The following GLRA3 variants were observed in gnomAD, a reference collection of about 807,000 sequenced individuals.
GLRA3 encodes the protein glycine receptor alpha 3.
In GLRA3, 44 loss-of-function variants were observed where a neutral mutation model predicts 60.4. The observed-to-expected ratio is 0.73, with a 90% CI of 0.57 to 0.94. GLRA3 has a LOEUF of 0.94. Ranked by LOEUF, GLRA3 falls within the 40% of genes least tolerant of loss-of-function variation. The pLI is 0.00. For missense variants in GLRA3, 508 were observed against 564.6 expected, an observed-to-expected ratio of 0.90 and a Z score of 1.02; for synonymous variants, 223 against 192.9, an observed-to-expected ratio of 1.16 and a Z score of -1.29.
intron 3 of GLRA3, among the ~76,000 whole-genome samples, chr4:174,744,853 TA>T (rs1278564908): frequency 6.6e-6 from 1 of 152,088 alleles, no homozygotes; most frequent in Non-Finnish European, 1.5e-5. Context: ...ATTATGATAT[TA>T]AAAAAGCTTA....
chr4:174,793,109 T>C lies in GLRA3; in HGVS notation c.72-4166A>G, dbSNP rs1487286153. On this transcript the variant is annotated intron_variant, in intron 1 of 9. Transcript: ENST00000274093. ...AAAAGTTGATTCTCACAATTATTTT[T>C]TTGCCAGTTTTCTTGTTGCTTTCAT... is the stretch of plus-strand genomic sequence containing the variant. Among the ~76,000 whole-genome samples the C allele has an allele frequency of 2.6e-5, 4 of 152,212 alleles. No homozygotes were observed. The South Asian group carries it at 6.2e-4, about 24-fold the overall frequency.
rs571709482 is a variant in GLRA3 at position 174,640,003 on chromosome 4, T to C, written c.*3783A>G. 8 of 152,270 alleles carry C rather than the reference T, an allele frequency of 5.3e-5. No homozygotes were observed. In the South Asian group the frequency reaches 1.7e-3, roughly 32 times the overall value. 9.4% of individuals were successfully genotyped at this position (152,270 alleles called of 1,614,324 possible). ...CATTTACACTATTTCTTCTAATATATTGTATTAACACCAGATTGTCTTATA... is the reference window on the plus strand; with the variant it reads ...CATTTACACTATTTCTTCTAATATACTGTATTAACACCAGATTGTCTTATA... On this transcript the variant is annotated 3_prime_UTR_variant, in exon 10 of 10. Transcript: ENST00000274093.
chr4:174,815,121 C>T (rs1307480143), intron 1 of GLRA3, among the ~76,000 whole-genome samples: 1 of 152,182 alleles, frequency 6.6e-6, no homozygotes, highest in African/African-American at 2.4e-5. Context: ...AACAAAAAGG[C>T]TAGAGGCCCC....
At chr4:174,736,624 T>C (rs1257461362) in intron 3 of GLRA3, among the ~76,000 whole-genome samples, 1 of 152,230 alleles carries the variant, frequency 6.6e-6, no homozygotes, top group Non-Finnish European at 1.5e-5. Context: ...TACAAGGTTT[T>C]ATGGTACATT....
At chr4:174,770,710 G>A (rs6833303) in intron 2 of GLRA3, among the ~76,000 whole-genome samples, 113,476 of 151,846 alleles carry the variant, frequency 0.75, 42,761 homozygotes, top group East Asian at 1. Flanking sequence ...TGCATCCTAG[G>A]GGCGCTGTAT....
intron 9 of GLRA3, among the ~76,000 whole-genome samples, chr4:174,651,433 C>A (rs1377838685): frequency 6.6e-6 from 1 of 151,978 alleles, no homozygotes. Context: ...TATAAACCAC[C>A]GGACAAAGCA....
rs1213236973 is a variant in GLRA3 at position 174,704,475 on chromosome 4, AT to A, written c.574+11012del. Among the ~76,000 whole-genome samples the A allele has an allele frequency of 2.8e-5, 4 of 143,986 alleles. 1 individual carries two copies. The highest frequency in any genetic ancestry group is 1.0e-4 in the African/African-American group (4 of 39,870). The allele number at this position is 143,986 out of a possible 152,430, so 94.5% of individuals were successfully genotyped here. A position where few individuals can be genotyped will look rare whatever the true frequency, so the allele number is the denominator to read the frequency against. ...CAAGTGTTGGCAAGGGTGTAAAGAA[AT>A]TGGAACTCTAGTGTACTGCTGGTGG... On this transcript the variant is annotated intron_variant, in intron 5 of 9. Coordinates refer to ENST00000274093, the MANE Select transcript of GLRA3 (RefSeq NM_006529.4).
rs986355738 is a variant in GLRA3 at position 174,704,314 on chromosome 4, GAGT to G, written c.574+11171_574+11173del. 4.2e-5 allele frequency among the ~76,000 whole-genome samples: 6 copies of G among 143,008 alleles called. 2 individuals carry two copies. Among genetic ancestry groups the G allele is most frequent in the Non-Finnish European group, 9.3e-5 (6 of 64,450 alleles). 93.8% of individuals were successfully genotyped at this position (143,008 alleles called of 152,430 possible). On this transcript the variant is annotated intron_variant, in intron 5 of 9. Transcript: ENST00000274093. ...ATATACAAAAAATGGTGACAGCTCT[GAGT>G]AGTAAAGAATAGCAGCAAATGGCAG...
intron 3 of GLRA3, among the ~76,000 whole-genome samples, chr4:174,765,927 T>C (rs2111234897): frequency 6.7e-6 from 1 of 149,858 alleles, no homozygotes; most frequent in African/African-American, 2.4e-5. Flanking sequence ...TTATATTGCA[T>C]ACATGAGGGA....
intron 1 of GLRA3, among the ~76,000 whole-genome samples, chr4:174,793,762 T>A (rs1739456492): frequency 1.3e-5 from 2 of 152,164 alleles, no homozygotes; most frequent in Admixed American, 1.3e-4. Context: ...GTCCAAAAAC[T>A]GTAGAGTAAA....
In GLRA3 at chr4:174,641,372, A is replaced by G. The variant is rs1299931773; in HGVS notation, c.*2414T>C. 6.6e-6 allele frequency: 1 copy of G among 152,066 alleles called. No homozygotes were observed. The highest frequency in any genetic ancestry group is 1.5e-5 in the Non-Finnish European group (1 of 67,958). 9.4% of individuals were successfully genotyped at this position (152,066 alleles called of 1,614,324 possible). On this transcript the variant is annotated 3_prime_UTR_variant, in exon 10 of 10. Coordinates refer to ENST00000274093, the MANE Select transcript of GLRA3 (RefSeq NM_006529.4). The stretch of plus-strand genomic sequence containing the variant: ...GATGCTAACTGCAATGTAATTTTTC[A>G]GTTTTAAAAGGTCTATAAGAGTTCG...
intron 3 of GLRA3, among the ~76,000 whole-genome samples, chr4:174,764,576 G>T (rs1018987198): frequency 5.4e-4 from 80 of 149,224 alleles, no homozygotes; most frequent in African/African-American, 1.9e-3. Context: ...AAGAACAGAA[G>T]TAAACTATAT....
At chr4:174,718,047 A>G (rs1362525610) in intron 4 of GLRA3, among the ~76,000 whole-genome samples, 7 of 152,236 alleles carry the variant, frequency 4.6e-5, no homozygotes, top group Non-Finnish European at 2.9e-5. Flanking sequence ...TTCTAAAAAA[A>G]TAGCACTTGA....
At chr4:174,749,401 C>T (rs1737375285) in intron 3 of GLRA3, among the ~76,000 whole-genome samples, 2 of 152,120 alleles carry the variant, frequency 1.3e-5, no homozygotes, top group African/African-American at 2.4e-5. Flanking sequence ...TGGGAATAGG[C>T]ACTTTGTACT....
At chr4:174,664,567 C>T (rs1216412470) in intron 7 of GLRA3, among the ~76,000 whole-genome samples, 3 of 152,150 alleles carry the variant, frequency 2.0e-5, no homozygotes, top group African/African-American at 7.2e-5. Flanking sequence ...TGTTTTCTTT[C>T]CATTTCTCAA....
At chr4:174,663,340 C>T (rs879317540) in intron 7 of GLRA3, among the ~76,000 whole-genome samples, 7 of 152,090 alleles carry the variant, frequency 4.6e-5, no homozygotes, top group African/African-American at 1.2e-4. Flanking sequence ...ATATACAGTC[C>T]TGGAACAAGT....
At chr4:174,733,588 C>G (rs1736645194) in intron 3 of GLRA3, among the ~76,000 whole-genome samples, 1 of 152,150 alleles carries the variant, frequency 6.6e-6, no homozygotes, top group Non-Finnish European at 1.5e-5. Flanking sequence ...GGGCTAGGTA[C>G]CAGGCAACTA....
intron 3 of GLRA3, among the ~76,000 whole-genome samples, chr4:174,743,013 C>A (rs1441292224): frequency 3.3e-5 from 5 of 152,146 alleles, no homozygotes; most frequent in African/African-American, 4.8e-5. Context: ...ATATCCATAG[C>A]TGTTGTGGGA....
At chr4:174,763,945 G>T (rs1579568871) in intron 3 of GLRA3, among the ~76,000 whole-genome samples, 1 of 152,238 alleles carries the variant, frequency 6.6e-6, no homozygotes, top group Middle Eastern at 3.4e-3. Flanking sequence ...ATATATGAGG[G>T]TAATAAGGAA....
Sources: allele counts gnomAD v4.1 joint callset (sites outside exome capture counted in the v4.1 genomes callset), GRCh38; gene constraint gnomAD v4.1.1; transcripts MANE v1.5; gene names NCBI Gene and HGNC (gene_info 2026-07-23, HGNC 2026-07-21).